The following CTNNA2 variants were observed in gnomAD, a reference collection of about 807,000 sequenced individuals.
CTNNA2 encodes the protein catenin alpha 2.
In CTNNA2, 42 loss-of-function variants were observed where a neutral mutation model predicts 101.0. The observed-to-expected ratio is 0.42, with a 90% CI of 0.32 to 0.54. CTNNA2 has a LOEUF of 0.54. Among genes scored for constraint, CTNNA2 ranks in the 20% least tolerant of loss-of-function variants. CTNNA2 has a pLI of 0.14. For missense variants in CTNNA2, 871 were observed against 1,223.1 expected, an observed-to-expected ratio of 0.71 and a Z score of 4.29; for synonymous variants, 450 against 456.4, an observed-to-expected ratio of 0.99 and a Z score of 0.18.
chr2:80,111,924 A>T (rs1207471472), intron 7 of CTNNA2, among the ~76,000 whole-genome samples: 1 of 152,202 alleles, frequency 6.6e-6, no homozygotes, highest in Non-Finnish European at 1.5e-5. Context: ...TTCATTTTGG[A>T]TATCCAATAA....
At chr2:80,010,634 C>G (rs1363462864) in intron 7 of CTNNA2, among the ~76,000 whole-genome samples, 2 of 151,972 alleles carry the variant, frequency 1.3e-5, no homozygotes, top group Non-Finnish European at 2.9e-5. Flanking sequence ...TGTAATAATT[C>G]CTAAAGATTT....
At chr2:80,629,768 A>C (rs955124315) in intron 18 of CTNNA2, among the ~76,000 whole-genome samples, 1 of 152,166 alleles carries the variant, frequency 6.6e-6, no homozygotes, top group African/African-American at 2.4e-5. Flanking sequence ...GCCTGTAGCA[A>C]CTTTTCTTCT....
intron 1 of CTNNA2, among the ~76,000 whole-genome samples, chr2:79,539,244 A>G (rs1673259223): frequency 6.6e-6 from 1 of 152,166 alleles, no homozygotes; most frequent in Non-Finnish European, 1.5e-5. Flanking sequence ...AATGGCAGGA[A>G]GTAGCCTTTC....
intron 7 of CTNNA2, among the ~76,000 whole-genome samples, chr2:79,946,408 C>A (rs548117862): frequency 2.4e-4 from 37 of 152,238 alleles, no homozygotes; most frequent in African/African-American, 8.2e-4. Flanking sequence ...GAGAACTGAA[C>A]TGAGAGTCTA....
chr2:79,485,678 T>C (rs556648101), intron 4 of CTNNA2, among the ~76,000 whole-genome samples: 7 of 152,314 alleles, frequency 4.6e-5, no homozygotes, highest in African/African-American at 1.4e-4. Flanking sequence ...GCCTTTACTT[T>C]CATGCCTTGG....
At chr2:79,240,705 C>T (rs1674615658) in intron 2 of CTNNA2, among the ~76,000 whole-genome samples, 1 of 152,072 alleles carries the variant, frequency 6.6e-6, no homozygotes, top group Non-Finnish European at 1.5e-5. Flanking sequence ...TGGTAACTGG[C>T]TGGAAGATGA....
chr2:79,907,116 C>A (rs930488089), intron 6 of CTNNA2, among the ~76,000 whole-genome samples: 11 of 152,220 alleles, frequency 7.2e-5, no homozygotes, highest in Middle Eastern at 3.4e-3. Flanking sequence ...ACAATAAATA[C>A]CTGTTCTAAA....
chr2:79,236,431 AAG>A (rs1310759905), intron 2 of CTNNA2, among the ~76,000 whole-genome samples: 4 of 152,168 alleles, frequency 2.6e-5, no homozygotes, highest in African/African-American at 9.7e-5. Context: ...CTGCACCTTT[AAG>A]TCATAATCAT....
chr2:80,361,728 T>A (rs1674423819), intron 7 of CTNNA2, among the ~76,000 whole-genome samples: 1 of 152,144 alleles, frequency 6.6e-6, no homozygotes, highest in East Asian at 1.9e-4. Flanking sequence ...TTATTATGTG[T>A]GTCACCTGTT....
In CTNNA2 at chr2:79,926,400, C is replaced by T. The variant is rs184020182; in HGVS notation, c.1056+16603C>T. Among the ~76,000 whole-genome samples, 5 of 152,212 alleles carry T rather than the reference C, an allele frequency of 3.3e-5. No homozygotes were observed. In the East Asian group the frequency reaches 7.7e-4, roughly 24 times the overall value. On this transcript the variant is annotated intron_variant, in intron 7 of 18. Coordinates refer to ENST00000402739, the MANE Select transcript of CTNNA2 (RefSeq NM_001282597.3). Reference sequence around the variant, plus strand: ...ATACATAAGTTATAATATTCCAAAACATCCCGTAAGACCTTTTATTTATTT... The same window carrying T: ...ATACATAAGTTATAATATTCCAAAATATCCCGTAAGACCTTTTATTTATTT...
intron 2 of CTNNA2, among the ~76,000 whole-genome samples, chr2:79,216,730 G>A (rs111282614): frequency 1.3e-3 from 199 of 147,592 alleles, no homozygotes; most frequent in Non-Finnish European, 2.3e-3. Flanking sequence ...CTAGAAAAGC[G>A]GTACTTGCAG....
At chr2:80,270,012 G>A (rs1423787867) in intron 7 of CTNNA2, among the ~76,000 whole-genome samples, 1 of 152,180 alleles carries the variant, frequency 6.6e-6, no homozygotes, top group African/African-American at 2.4e-5. Context: ...GCTATAATCA[G>A]CGCCATAAAC....
At chr2:79,624,721 G>T (rs1221339503) in intron 1 of CTNNA2, among the ~76,000 whole-genome samples, 3 of 152,018 alleles carry the variant, frequency 2.0e-5, no homozygotes, top group African/African-American at 7.2e-5. Flanking sequence ...TAATTGAGGG[G>T]AATACCATTT....
chr2:80,281,244 G>T (rs1237100196), intron 7 of CTNNA2, among the ~76,000 whole-genome samples: 1 of 152,096 alleles, frequency 6.6e-6, no homozygotes, highest in Admixed American at 6.6e-5. Flanking sequence ...CTCAGGCCAG[G>T]GTTATGAGGT....
intron 7 of CTNNA2, among the ~76,000 whole-genome samples, chr2:80,065,371 T>G (rs1202443810): frequency 2.0e-5 from 3 of 151,876 alleles, no homozygotes; most frequent in Non-Finnish European, 4.4e-5. Context: ...CTATTTTTTT[T>G]TTTTTTGAGA....
intron 4 of CTNNA2, among the ~76,000 whole-genome samples, chr2:79,469,255 A>G (rs1395931633): frequency 6.6e-6 from 1 of 152,224 alleles, no homozygotes; most frequent in Non-Finnish European, 1.5e-5. Flanking sequence ...AAACACCTCT[A>G]CGCAAATAAA....
At chr2:80,521,963 G>A (rs1255331788) in intron 9 of CTNNA2, among the ~76,000 whole-genome samples, 1 of 152,194 alleles carries the variant, frequency 6.6e-6, no homozygotes, top group Non-Finnish European at 1.5e-5. Context: ...TAAATGAAGA[G>A]AGGGAGATCA....
At chr2:79,713,625 C>A (rs1685884876) in intron 2 of CTNNA2, among the ~76,000 whole-genome samples, 1 of 152,104 alleles carries the variant, frequency 6.6e-6, no homozygotes, top group South Asian at 2.1e-4. Context: ...TGTTGCTAGT[C>A]ACTTCCTGTG....
intron 7 of CTNNA2, among the ~76,000 whole-genome samples, chr2:80,066,720 C>T (rs996898797): frequency 2.0e-5 from 3 of 152,174 alleles, no homozygotes; most frequent in African/African-American, 7.2e-5. Context: ...TATGATCCAA[C>T]AATGCCACTA....
Sources: allele counts gnomAD v4.1 joint callset (sites outside exome capture counted in the v4.1 genomes callset), GRCh38; gene constraint gnomAD v4.1.1; transcripts MANE v1.5; gene names NCBI Gene and HGNC (gene_info 2026-07-23, HGNC 2026-07-21).